Variants in KCNMB2 observed in about 807,000 individuals in gnomAD.
KCNMB2 encodes potassium calcium-activated channel subfamily M regulatory beta subunit 2.
In KCNMB2, 9 loss-of-function variants were observed where a neutral mutation model predicts 24.5. That is an observed-to-expected ratio of 0.37 (90% CI 0.22 to 0.64). KCNMB2 has a LOEUF of 0.64. KCNMB2 is among the 30% of genes least tolerant of loss of function. The pLI is 0.63. For missense variants in KCNMB2, 226 were observed against 284.3 expected (o/e 0.79, Z 1.47); for synonymous variants, 109 against 104.4 (o/e 1.04, Z -0.27).
At chr3:178,695,091 CT>C (rs970233909) in intron 1 of KCNMB2, among the ~76,000 whole-genome samples, 3 of 152,246 alleles carry the variant, frequency 2.0e-5, no homozygotes, top group Admixed American at 6.5e-5. Context: ...AACCTCAATT[CT>C]TGTATGCTAC....
intron 1 of KCNMB2, among the ~76,000 whole-genome samples, chr3:178,727,681 G>A (rs1219020908): frequency 6.6e-6 from 1 of 152,114 alleles, no homozygotes; most frequent in Non-Finnish European, 1.5e-5. Context: ...GCAACCTCTA[G>A]TAGCTAGAAA....
At chr3:178,728,016 A>G (rs983032208) in intron 1 of KCNMB2, among the ~76,000 whole-genome samples, 1 of 152,198 alleles carries the variant, frequency 6.6e-6, no homozygotes, top group African/African-American at 2.4e-5. Context: ...CTTGCAATAG[A>G]CTGTGAGTGC....
intron 1 of KCNMB2, among the ~76,000 whole-genome samples, chr3:178,778,994 G>A (rs1018486405): frequency 1.1e-4 from 17 of 152,162 alleles, no homozygotes. Flanking sequence ...TGTGTGAAAT[G>A]TGAGGGGAAA....
At chr3:178,720,759 T>G (rs1229765435) in intron 1 of KCNMB2, among the ~76,000 whole-genome samples, 9 of 140,652 alleles carry the variant, frequency 6.4e-5, no homozygotes, top group Non-Finnish European at 1.1e-4. Flanking sequence ...TCATGTGTCT[T>G]TTGGCTGCAT....
chr3:178,813,948 C>T (rs1714296099), intron 2 of KCNMB2, among the ~76,000 whole-genome samples: 1 of 149,590 alleles, frequency 6.7e-6, no homozygotes, highest in East Asian at 2.0e-4. Flanking sequence ...AACTTCACTA[C>T]GTTGTTGTTG....
intron 1 of KCNMB2, among the ~76,000 whole-genome samples, chr3:178,608,199 G>A (rs1017906112): frequency 1.3e-5 from 2 of 152,154 alleles, no homozygotes. Flanking sequence ...GACTTTGTGG[G>A]ATTTTTAACC....
At chr3:178,786,607 C>T (rs562879016) in intron 1 of KCNMB2, among the ~76,000 whole-genome samples, 9 of 152,232 alleles carry the variant, frequency 5.9e-5, no homozygotes, top group Non-Finnish European at 1.0e-4. Flanking sequence ...CTCGACTTTA[C>T]TAGATTTGCC....
At chr3:178,793,522 T>G (rs371259226) in intron 1 of KCNMB2, among the ~76,000 whole-genome samples, 18,119 of 145,662 alleles carry the variant, frequency 0.12, 1,552 homozygotes, top group Non-Finnish European at 0.17. Context: ...CCTGGGGGGG[T>G]GGGCAATGGA....
intron 1 of KCNMB2, among the ~76,000 whole-genome samples, chr3:178,752,980 A>G (rs969622289): frequency 6.6e-6 from 1 of 152,228 alleles, no homozygotes; most frequent in African/African-American, 2.4e-5. Context: ...GGCCCCAAGC[A>G]TTAGGATAAT....
intron 1 of KCNMB2, among the ~76,000 whole-genome samples, chr3:178,789,755 T>C (rs773449927): frequency 2.0e-5 from 3 of 152,104 alleles, no homozygotes; most frequent in Non-Finnish European, 4.4e-5. Context: ...GGTCAGAACC[T>C]GAGTTCCAGC....
At chr3:178,691,750 T>A (rs1721686649) in intron 1 of KCNMB2, among the ~76,000 whole-genome samples, 1 of 152,244 alleles carries the variant, frequency 6.6e-6, no homozygotes, top group Non-Finnish European at 1.5e-5. Flanking sequence ...TAGAACAATT[T>A]ATACTCCTTT....
intron 1 of KCNMB2, among the ~76,000 whole-genome samples, chr3:178,758,141 T>TATATATATATCCAAGAGG (rs1724249985): frequency 5.2e-5 from 2 of 38,222 alleles, no homozygotes; most frequent in African/African-American, 8.2e-5. Flanking sequence ...CACAAGAGGA[T>TATATATATATCCAAGAGG]ATATATATAT....
chr3:178,646,435 T>C (rs2108554362), intron 1 of KCNMB2, among the ~76,000 whole-genome samples: 1 of 152,310 alleles, frequency 6.6e-6, no homozygotes, highest in South Asian at 2.1e-4. Flanking sequence ...AATTTAGCTA[T>C]GCCAGCCAGA....
At chr3:178,686,052 G>C (rs1577096851) in intron 1 of KCNMB2, among the ~76,000 whole-genome samples, 1 of 151,264 alleles carries the variant, frequency 6.6e-6, no homozygotes, top group South Asian at 2.1e-4. Flanking sequence ...GTGTGAGAGA[G>C]AGAGAGAGAG....
At chr3:178,573,746 C>CAA (rs11348394) in intron 1 of KCNMB2, among the ~76,000 whole-genome samples, 148 of 78,574 alleles carry the variant, frequency 1.9e-3, no homozygotes, top group Non-Finnish European at 2.4e-3. Context: ...GACCCTGTCT[C>CAA]AAAAAAAAAA....
intron 1 of KCNMB2, among the ~76,000 whole-genome samples, chr3:178,674,280 CT>C: frequency 6.6e-6 from 1 of 152,176 alleles, no homozygotes; most frequent in Non-Finnish European, 1.5e-5. Flanking sequence ...TTTTATATTT[CT>C]ACTCTGGACT....
chr3:178,736,658 AC>A (rs1723325970), intron 1 of KCNMB2, among the ~76,000 whole-genome samples: 1 of 152,134 alleles, frequency 6.6e-6, no homozygotes, highest in Non-Finnish European at 1.5e-5. Flanking sequence ...AGAAACATAG[AC>A]CCCAAAGGCT....
intron 1 of KCNMB2, among the ~76,000 whole-genome samples, chr3:178,733,220 A>G (rs1409614865): frequency 6.6e-6 from 1 of 152,178 alleles, no homozygotes; most frequent in Non-Finnish European, 1.5e-5. Context: ...GAACAAGAGC[A>G]ATCAAAGCAG....
intron 1 of KCNMB2, among the ~76,000 whole-genome samples, chr3:178,695,018 A>G (rs61796862): frequency 0.38 from 57,114 of 152,196 alleles, 10,816 homozygotes; most frequent in Middle Eastern, 0.51. Context: ...CCCCTGCAGC[A>G]GGTTTCTGCC....
Sources: allele counts gnomAD v4.1 joint callset (sites outside exome capture counted in the v4.1 genomes callset), GRCh38; gene constraint gnomAD v4.1.1; transcripts MANE v1.5; gene names NCBI Gene and HGNC (gene_info 2026-07-23, HGNC 2026-07-21).